Variants in CRISPLD2 observed in about 807,000 individuals in gnomAD.
CRISPLD2 encodes cysteine-rich secretory protein LCCL domain-containing 2.
In CRISPLD2, 47 loss-of-function variants were observed where a neutral mutation model predicts 71.1. The observed-to-expected ratio is 0.66, with a 90% CI of 0.52 to 0.84. The LOEUF (loss-of-function observed/expected upper bound fraction) is 0.84. CRISPLD2 is among the 40% of genes least tolerant of loss of function. The pLI, the probability that CRISPLD2 is intolerant of heterozygous loss-of-function variation, is 0.00. For missense variants in CRISPLD2, 830 were observed against 651.1 expected (o/e 1.27, Z -2.99); for synonymous variants, 317 against 250.1 (o/e 1.27, Z -2.52).
At chr16:84,861,539 T>C (rs775225185) in intron 6 of CRISPLD2, among the ~76,000 whole-genome samples, 12 of 152,106 alleles carry the variant, frequency 7.9e-5, no homozygotes, top group Non-Finnish European at 1.8e-4. Context: ...ACATTTTTCT[T>C]CCTGCTTTAT....
chr16:84,845,096 A>G (rs1032345118), intron 2 of CRISPLD2, among the ~76,000 whole-genome samples: 1 of 152,214 alleles, frequency 6.6e-6, no homozygotes, highest in Non-Finnish European at 1.5e-5. Context: ...AACTGCGTAC[A>G]TGGAGACAGC....
chr16:84,838,465 T>TGAGTCCCA lies in CRISPLD2; in HGVS notation c.-30_-23dup. The TGAGTCCCA allele has an allele frequency of 9.4e-6, 15 of 1,600,510 alleles. No homozygotes were observed. The highest frequency in any genetic ancestry group is 1.3e-5 in the Non-Finnish European group (15 of 1,170,456). ...TGCCCGAGGAGCCCAGGCTGCCCCGTGAGTCCCATAGTTGCTGCAGGAGTG... is the reference window on the plus strand; with the variant it reads ...TGCCCGAGGAGCCCAGGCTGCCCCGTGAGTCCCAGAGTCCCATAGTTGCTGCAGGAGTG... On this transcript the variant is annotated 5_prime_UTR_variant, in exon 2 of 15. Coordinates refer to ENST00000262424, the MANE Select transcript of CRISPLD2 (RefSeq NM_031476.4).
intron 14 of CRISPLD2, among the ~76,000 whole-genome samples, chr16:84,891,071 T>G (rs1179171257): frequency 6.6e-6 from 1 of 152,164 alleles, no homozygotes; most frequent in African/African-American, 2.4e-5. Flanking sequence ...TCGGCCGCCA[T>G]GATTATCTCT....
At position 84,873,019 on chromosome 16, in the gene CRISPLD2, C is replaced by A. The variant is rs2071484854; in HGVS notation, c.1009C>A (p.His337Asn). ...GTCTAGCATATGCCGCGCCGCCATCCACTACGGGATCCTGGATGACAAGGG... is the reference window on the plus strand; with the variant it reads ...GTCTAGCATATGCCGCGCCGCCATCAACTACGGGATCCTGGATGACAAGGG... ...SSSSICRAAI[H>N]YGILDDKGGL... The change falls in exon 10 of 15, where the codon CAC becomes AAC. Residue 337 changes from histidine (H) to asparagine (N), a missense_variant. Transcript: ENST00000262424. 1.2e-6 allele frequency: 2 copies of A among 1,613,686 alleles called. No individual in the cohort carries two copies. Among genetic ancestry groups the A allele is most frequent in the African/African-American group, 2.7e-5 (2 of 74,982 alleles).
chr16:84,835,364 T>C (rs1272002253), intron 1 of CRISPLD2, among the ~76,000 whole-genome samples: 3 of 152,104 alleles, frequency 2.0e-5, no homozygotes, highest in African/African-American at 4.8e-5. Context: ...GGATTACAGG[T>C]GTGGGCCACC....
chr16:84,901,735 C>T (rs1465962289), intron 14 of CRISPLD2, among the ~76,000 whole-genome samples: 2 of 148,542 alleles, frequency 1.3e-5, no homozygotes, highest in African/African-American at 5.0e-5. Flanking sequence ...GCCTCAACCT[C>T]TCAAAATGTT....
At chr16:84,896,465 A>G (rs2071707670) in intron 14 of CRISPLD2, among the ~76,000 whole-genome samples, 1 of 152,146 alleles carries the variant, frequency 6.6e-6, no homozygotes, top group African/African-American at 2.4e-5. Context: ...ATGACTTTTC[A>G]ACTTTATAAT....
At chr16:84,850,816 C>A in intron 5 of CRISPLD2, 133 bp downstream of exon 5, 2 of 691,460 alleles carry the variant, frequency 2.9e-6, no homozygotes, top group South Asian at 1.7e-5. Flanking sequence ...GAGTTTAGTG[C>A]ATCTGGGTTA....
At chr16:84,886,445 C>T (rs1299758779) in intron 13 of CRISPLD2, among the ~76,000 whole-genome samples, 1 of 152,150 alleles carries the variant, frequency 6.6e-6, no homozygotes, top group Non-Finnish European at 1.5e-5. Context: ...GGGCTGGCCT[C>T]TCTCGAGGGG....
At chr16:84,822,721 G>C (rs1315974608) in intron 1 of CRISPLD2, among the ~76,000 whole-genome samples, 2 of 152,018 alleles carry the variant, frequency 1.3e-5, no homozygotes, top group Admixed American at 1.3e-4. Context: ...GACCTTCCAG[G>C]GACAGGGACC....
At position 84,880,531 on chromosome 16, in the gene CRISPLD2, A is replaced by G. The variant is rs752621095; in HGVS notation, c.1252A>G (p.Lys418Glu). ...CPRIHCPAHC[K>E]DEPSYWAPVF... ...CAGAATCCATTGTCCGGCACACTGC[A>G]AAGACGAACCTTCCTACTGGGCTCC... Residue 418 changes from lysine (K) to glutamate (E), a missense_variant, in exon 13 of 15, where the codon AAA (lysine) becomes GAA (glutamate). Lys to Glu is a moderately conservative substitution (Grantham distance 56, BLOSUM62 1). Transcript: ENST00000262424. 6.2e-7 allele frequency: 1 copy of G among 1,613,802 alleles called. No homozygotes were observed. Among genetic ancestry groups the G allele is most frequent in the South Asian group, 1.1e-5 (1 of 91,058 alleles).
In CRISPLD2 at chr16:84,841,826, C is replaced by G. The variant is rs141843313; in HGVS notation, c.240+3091C>G. Among the ~76,000 whole-genome samples, 927 of 152,254 alleles carry G rather than the reference C, an allele frequency of 6.1e-3. 6 individuals carry two copies. The highest frequency in any genetic ancestry group is 0.02 in the African/African-American group (822 of 41,552). ...GCCAGGCTGGTCTCAAATTCCTGGC[C>G]TCAGGTGATCCACCCACTTCAGCCT... On this transcript the variant is annotated intron_variant, in intron 2 of 14. Transcript: ENST00000262424.
chr16:84,898,952 C>G (rs2071729922), intron 14 of CRISPLD2, among the ~76,000 whole-genome samples: 1 of 152,206 alleles, frequency 6.6e-6, no homozygotes. Flanking sequence ...GCAGCCTCAA[C>G]TGCAGTGAGT....
At chr16:84,858,706 TATAC>T (rs1917305818) in intron 6 of CRISPLD2, among the ~76,000 whole-genome samples, 1 of 152,246 alleles carries the variant, frequency 6.6e-6, no homozygotes, top group African/African-American at 2.4e-5. Context: ...GGAGAATTGA[TATAC>T]CCCTGAGCTT....
intron 7 of CRISPLD2, among the ~76,000 whole-genome samples, chr16:84,868,099 C>T (rs936578317): frequency 1.3e-5 from 2 of 152,308 alleles, no homozygotes; most frequent in East Asian, 1.9e-4. Flanking sequence ...GCCTCACACC[C>T]GCCTTCTCAG....
rs1419105619 is a variant in CRISPLD2 at position 84,889,382 on chromosome 16, A to T, written c.1439+19A>T. On this transcript the variant is annotated intron_variant, in intron 14 of 14. Transcript: ENST00000262424. ...CTGAAAGGTAGGGTGGTGTTCTCCA[A>T]CCCTTGACACCCAATCCCGGCTGCT... 6.3e-7 allele frequency: 1 copy of T among 1,594,240 alleles called. No homozygotes were observed. Among genetic ancestry groups the T allele is most frequent in the Admixed American group, 1.7e-5 (1 of 58,748 alleles).
intron 13 of CRISPLD2, among the ~76,000 whole-genome samples, chr16:84,883,477 C>G (rs2071585664): frequency 6.6e-6 from 1 of 152,210 alleles, no homozygotes; most frequent in South Asian, 2.1e-4. Flanking sequence ...TTCCCCTCCT[C>G]TGAACCTCAG....
At chr16:84,882,647 C>G (rs1455325778) in intron 13 of CRISPLD2, among the ~76,000 whole-genome samples, 1 of 152,188 alleles carries the variant, frequency 6.6e-6, no homozygotes, top group African/African-American at 2.4e-5. Context: ...TCAGGTGATC[C>G]ACCCACCTTG....
rs956061063 is a variant in CRISPLD2 at position 84,906,629 on chromosome 16, C to T, written c.1481C>T (p.Ala494Val). The change falls in exon 15 of 15, where the codon GCT becomes GTT. Residue 494 changes from alanine (A) to valine (V), a missense_variant. By Grantham distance (64) the Ala-to-Val change is moderately conservative. Coordinates refer to ENST00000262424, the MANE Select transcript of CRISPLD2 (RefSeq NM_031476.4). The stretch of plus-strand genomic sequence containing the variant: ...GATGGAAAGGCCTTCCGGATCTTTG[C>T]TGTCAGGCAGTGAATTTCCAGCACC... ...PRDGKAFRIF[A>V]VRQ 2 of 1,614,002 alleles carry T rather than the reference C, an allele frequency of 1.2e-6. No individual in the cohort carries two copies. The highest frequency in any genetic ancestry group is 1.3e-5 in the African/African-American group (1 of 75,042).
Sources: gnomAD v4.1 joint callset for allele counts (sites outside exome capture counted in the v4.1 genomes callset) on GRCh38, gnomAD v4.1.1 for gene constraint, MANE v1.5 for transcripts, NCBI Gene and HGNC (gene_info 2026-07-23, HGNC 2026-07-21) for gene names.